The following PWP1 variants were observed in gnomAD, a reference collection of about 807,000 sequenced individuals.
PWP1 encodes PWP1 homolog, endonuclein, also known as periodic tryptophan protein 1 homolog.
In PWP1, 47 loss-of-function variants were observed where a neutral mutation model predicts 69.9. The ratio of observed to expected loss-of-function variants is 0.67; its 90% CI spans 0.53 to 0.86. PWP1 has a LOEUF of 0.86. Among genes scored for constraint, PWP1 ranks in the 40% least tolerant of loss-of-function variants. PWP1 has a pLI of 0.00. For synonymous variants in PWP1, 222 were observed against 208.2 expected, an observed-to-expected ratio of 1.07 and a Z score of -0.57; for missense variants, 551 against 608.8, an observed-to-expected ratio of 0.91 and a Z score of 1.00.
intron 11 of PWP1, among the ~76,000 whole-genome samples, chr12:107,707,707 T>A (rs1364366462): frequency 1.3e-5 from 2 of 152,166 alleles, no homozygotes; most frequent in Non-Finnish European, 2.9e-5. Flanking sequence ...TTTATTGATG[T>A]GTGTATGTAT....
chr12:107,691,897 C>G (rs1298325828), intron 3 of PWP1, among the ~76,000 whole-genome samples: 3 of 152,218 alleles, frequency 2.0e-5, no homozygotes, highest in African/African-American at 7.2e-5. Flanking sequence ...TTACCAGCGG[C>G]ACACAGCTGG....
In PWP1 at chr12:107,685,944, C is replaced by T. The variant is rs1458061343; in HGVS notation, c.45C>T (p.Cys15=). 8 of 1,613,798 alleles carry T rather than the reference C, an allele frequency of 5.0e-6. No individual in the cohort carries two copies. Among genetic ancestry groups the T allele is most frequent in the Non-Finnish European group, 6.8e-6 (8 of 1,179,988 alleles). ...RQVTCVAWVR[C]GVAKETPDKV... Reference sequence around the variant, plus strand: ...TGACGTGCGTGGCCTGGGTCCGCTGCGGCGTGGCCAAAGAGACACCAGACA... The same window carrying T: ...TGACGTGCGTGGCCTGGGTCCGCTGTGGCGTGGCCAAAGAGACACCAGACA... The change falls in exon 1 of 15, where the codon TGC becomes TGT. Residue 15 remains cysteine, a synonymous_variant. Transcript: ENST00000412830.
chr12:107,709,072 TA>T (rs1204639258), intron 12 of PWP1, 38 bp from the exon 13 acceptor site: 1 of 1,613,720 alleles, frequency 6.2e-7, no homozygotes, highest in Admixed American at 1.7e-5. Context: ...AGTAAATCTG[TA>T]TTTCAAAGCG....
chr12:107,710,714 G>A (rs1593151630), intron 14 of PWP1, among the ~76,000 whole-genome samples: 1 of 152,132 alleles, frequency 6.6e-6, no homozygotes, highest in East Asian at 1.9e-4. Flanking sequence ...AGTTCTGTAA[G>A]GACTGACACA....
intron 9 of PWP1, 43 bp from the exon 10 acceptor site, chr12:107,703,642 G>C: frequency 6.5e-7 from 1 of 1,531,102 alleles, no homozygotes. Flanking sequence ...TTTACGAAAA[G>C]CAAACCAACA....
chr12:107,690,239 G>A (rs556440812), intron 3 of PWP1, among the ~76,000 whole-genome samples: 1 of 152,288 alleles, frequency 6.6e-6, no homozygotes, highest in African/African-American at 2.4e-5. Flanking sequence ...TAGCAGAGCT[G>A]AGCGTGGTGG....
At chr12:107,697,900 C>A in intron 7 of PWP1, 1 of 441,298 alleles carries the variant, frequency 2.3e-6, no homozygotes, top group South Asian at 1.7e-5. Flanking sequence ...CCTCCAAATA[C>A]AGTAGCTATT....
At position 107,710,498 on chromosome 12, in the gene PWP1, A is replaced by G. The variant is rs1889928542; in HGVS notation, c.1384A>G (p.Thr462Ala). Residue 462 changes from threonine (T) to alanine (A), a missense_variant, in exon 14 of 15, where the codon ACA becomes GCA. By Grantham distance (58) the Thr-to-Ala change is moderately conservative. Transcript: ENST00000412830. ...AGGGCTTCGGGTCTGGGATATAAGC[A>G]CAGTCTCTTCAGGTAAGGATTTTTA... The part of the protein sequence containing the change: ...KEGLRVWDIS[T>A]VSSVNEAFGR... The G allele has an allele frequency of 7.5e-6, 12 of 1,603,138 alleles. No homozygotes were observed. Among genetic ancestry groups the G allele is most frequent in the Non-Finnish European group, 1.0e-5 (12 of 1,173,988 alleles).
chr12:107,693,982 TCTTA>T (rs1889534377), intron 5 of PWP1, among the ~76,000 whole-genome samples: 1 of 152,228 alleles, frequency 6.6e-6, no homozygotes, highest in South Asian at 2.1e-4. Flanking sequence ...TGATCACCTT[TCTTA>T]CTTAAGGAAT....
chr12:107,697,700 G>C (rs1332064270), intron 7 of PWP1, 103 bp downstream of exon 7: 1 of 1,096,780 alleles, frequency 9.1e-7, no homozygotes, highest in Non-Finnish European at 1.4e-6. Context: ...AGGTATTCTT[G>C]GTGAGATGGG....
intron 10 of PWP1, 41 bp downstream of exon 10, chr12:107,703,787 T>C (rs752742969): frequency 2.6e-6 from 4 of 1,536,938 alleles, no homozygotes; most frequent in Non-Finnish European, 3.6e-6. Flanking sequence ...TCTGTTTTTA[T>C]CCTCTAGAAG....
chr12:107,690,383 A>T (rs1889455653), intron 3 of PWP1, among the ~76,000 whole-genome samples: 3 of 152,182 alleles, frequency 2.0e-5, no homozygotes, highest in Non-Finnish European at 4.4e-5. Context: ...AATAATAAAA[A>T]AGTTTAAAAA....
chr12:107,710,392 G>GTTCTCTCTCTA lies in PWP1; in HGVS notation c.1291-12_1291-2dup. On this transcript the variant is annotated splice_polypyrimidine_tract_variant and intron_variant, in intron 13 of 14. Transcript: ENST00000412830. ...AAGAGATTGAAATCACCATCTTCCTGTTCTCTCTCTAGGGAGTTCTCTTCT... is the reference window on the plus strand; with the variant it reads ...AAGAGATTGAAATCACCATCTTCCTGTTCTCTCTCTATTCTCTCTCTAGGGAGTTCTCTTCT... The GTTCTCTCTCTA allele has an allele frequency of 6.2e-7, 1 of 1,612,534 alleles. No homozygotes were observed. The highest frequency in any genetic ancestry group is 8.5e-7 in the Non-Finnish European group (1 of 1,179,198).
At chr12:107,697,408 A>G in intron 6 of PWP1, 59 bp from the exon 7 acceptor site, 1 of 1,497,970 alleles carries the variant, frequency 6.7e-7, no homozygotes, top group Non-Finnish European at 8.9e-7. Flanking sequence ...AATGTATTTG[A>G]TTAGAAGTTC....
Position 107,712,218 on chromosome 12 carries a change from TAATG to T in PWP1, c.*1_*4del. On this transcript the variant is annotated stop_retained_variant and 3_prime_UTR_variant, in exon 15 of 15. Transcript: ENST00000412830. Reference sequence around the variant, plus strand: ...GAGCTCAGATACACCCATGGAGTCTTAATGAAGATCATCTAATTTCCTGCTTACC... The same window carrying T: ...GAGCTCAGATACACCCATGGAGTCTTAAGATCATCTAATTTCCTGCTTACC... 6.2e-7 allele frequency: 1 copy of T among 1,608,572 alleles called. No homozygotes were observed. The highest frequency in any genetic ancestry group is 8.5e-7 in the Non-Finnish European group (1 of 1,175,738).
intron 11 of PWP1, among the ~76,000 whole-genome samples, chr12:107,708,319 C>G (rs910026225): frequency 2.0e-5 from 3 of 152,168 alleles, no homozygotes; most frequent in African/African-American, 7.2e-5. Flanking sequence ...CTCAGCCGTC[C>G]TTTCTTTATC....
At chr12:107,701,887 AG>A (rs1889718207) in intron 8 of PWP1, among the ~76,000 whole-genome samples, 1 of 152,156 alleles carries the variant, frequency 6.6e-6, no homozygotes, top group Admixed American at 6.5e-5. Flanking sequence ...CATGTAGGCC[AG>A]GCTTGTCTCA....
intron 10 of PWP1, 72 bp downstream of exon 10, chr12:107,703,818 G>T: frequency 7.1e-7 from 1 of 1,416,876 alleles, no homozygotes; most frequent in Non-Finnish European, 9.9e-7. Context: ...AGTATCACTT[G>T]GTACCCAGGC....
At chr12:107,703,897 G>A (rs1252797465) in intron 10 of PWP1, 151 bp downstream of exon 10, 3 of 678,374 alleles carry the variant, frequency 4.4e-6, no homozygotes, top group African/African-American at 1.8e-5. Context: ...TTTAACTCTG[G>A]TCCTTTCAGT....
Sources: gnomAD v4.1 joint callset for allele counts (sites outside exome capture counted in the v4.1 genomes callset) on GRCh38, gnomAD v4.1.1 for gene constraint, MANE v1.5 for transcripts, NCBI Gene and HGNC (gene_info 2026-07-23, HGNC 2026-07-21) for gene names.